GLRB: variants seen among roughly 807,000 people sequenced by gnomAD.
GLRB encodes the protein glycine receptor beta.
A neutral mutation model predicts 54.2 loss-of-function variants in GLRB; 33 were observed. That is an observed-to-expected ratio of 0.61 (90% CI 0.46 to 0.81). GLRB has a LOEUF of 0.81. GLRB is among the 40% of genes least tolerant of loss of function. GLRB has a pLI of 0.00. For synonymous variants in GLRB, 209 were observed against 208.2 expected (o/e 1.00, Z -0.03); for missense variants, 572 against 584.6 (o/e 0.98, Z 0.22).
chr4:157,150,622 C>A (rs1736986779), intron 8 of GLRB, among the ~76,000 whole-genome samples: 1 of 152,012 alleles, frequency 6.6e-6, no homozygotes, highest in African/African-American at 2.4e-5. Context: ...GTGCAATGTG[C>A]TGTGTCATGA....
intron 2 of GLRB, among the ~76,000 whole-genome samples, chr4:157,098,885 G>A (rs1734914177): frequency 6.6e-6 from 1 of 152,150 alleles, no homozygotes; most frequent in Non-Finnish European, 1.5e-5. Context: ...TGGGATTACA[G>A]GCATGAGCTA....
intron 8 of GLRB, among the ~76,000 whole-genome samples, chr4:157,146,085 T>C (rs1193460252): frequency 6.6e-6 from 1 of 151,862 alleles, no homozygotes; most frequent in Non-Finnish European, 1.5e-5. Context: ...GGCATGATCT[T>C]GGCTCACTGC....
At chr4:157,127,535 C>A (rs961115040) in intron 4 of GLRB, among the ~76,000 whole-genome samples, 3 of 151,754 alleles carry the variant, frequency 2.0e-5, no homozygotes, top group African/African-American at 7.3e-5. Flanking sequence ...TGTGGATATG[C>A]TGTTTTATAT....
At chr4:157,159,874 T>C (rs537311741) in intron 9 of GLRB, among the ~76,000 whole-genome samples, 54 of 152,278 alleles carry the variant, frequency 3.5e-4, no homozygotes, top group African/African-American at 1.3e-3. Context: ...GATTCCCTCT[T>C]TTTCTGTTGA....
At chr4:157,113,309 A>G (rs1735488327) in intron 2 of GLRB, among the ~76,000 whole-genome samples, 1 of 151,946 alleles carries the variant, frequency 6.6e-6, no homozygotes, top group African/African-American at 2.4e-5. Flanking sequence ...TCTATTCTGT[A>G]GAGTATGGAA....
intron 2 of GLRB, among the ~76,000 whole-genome samples, chr4:157,087,638 G>C (rs1025204536): frequency 3.9e-5 from 6 of 151,954 alleles, no homozygotes; most frequent in Non-Finnish European, 8.8e-5. Flanking sequence ...AACTCCAAAG[G>C]AAATCTAATT....
chr4:157,143,115 T>C (rs746832743), intron 7 of GLRB, among the ~76,000 whole-genome samples: 1 of 152,148 alleles, frequency 6.6e-6, no homozygotes, highest in Non-Finnish European at 1.5e-5. Context: ...TCTGCATTTG[T>C]CTTGGCATGT....
chr4:157,141,951 G>A (rs11933548), intron 7 of GLRB, among the ~76,000 whole-genome samples: 5,243 of 152,030 alleles, frequency 0.034, 153 homozygotes, highest in African/African-American at 0.082. Context: ...GTAGTAAATC[G>A]TTATAATATT....
At chr4:157,088,670 T>C (rs917073812) in intron 2 of GLRB, among the ~76,000 whole-genome samples, 3 of 152,162 alleles carry the variant, frequency 2.0e-5, no homozygotes, top group Non-Finnish European at 4.4e-5. Flanking sequence ...CATCCTTCCT[T>C]TTCTCCTTTT....
At chr4:157,145,305 G>C (rs535653018) in intron 8 of GLRB, among the ~76,000 whole-genome samples, 1 of 152,156 alleles carries the variant, frequency 6.6e-6, no homozygotes, top group Non-Finnish European at 1.5e-5. Flanking sequence ...GGGTTTGAAA[G>C]CCAGTTCTGG....
chr4:157,090,484 A>G (rs1158787894), intron 2 of GLRB, among the ~76,000 whole-genome samples: 3 of 152,210 alleles, frequency 2.0e-5, no homozygotes, highest in African/African-American at 7.2e-5. Flanking sequence ...TTATGACTTC[A>G]TGCAGACATA....
intron 2 of GLRB, among the ~76,000 whole-genome samples, chr4:157,080,364 A>G (rs1408475279): frequency 6.6e-6 from 1 of 152,208 alleles, no homozygotes; most frequent in Non-Finnish European, 1.5e-5. Flanking sequence ...GACTAGATCA[A>G]GCTTTATTAA....
chr4:157,150,542 C>T (rs1736983329), intron 8 of GLRB, among the ~76,000 whole-genome samples: 1 of 151,994 alleles, frequency 6.6e-6, no homozygotes, highest in African/African-American at 2.4e-5. Context: ...TCACAAAGTC[C>T]TCTCTCTTTT....
At chr4:157,154,423 CTTT>C (rs778002566) in intron 9 of GLRB, among the ~76,000 whole-genome samples, 1,096 of 103,298 alleles carry the variant, frequency 0.011, 3 homozygotes, top group Non-Finnish European at 0.016. Flanking sequence ...CTTCTTTTTC[CTTT>C]TTTTTTTTTT....
intron 4 of GLRB, among the ~76,000 whole-genome samples, chr4:157,135,245 T>C (rs1254222924): frequency 7.2e-5 from 11 of 152,124 alleles, no homozygotes; most frequent in Admixed American, 7.2e-4. Context: ...ATTAAGGACA[T>C]AATATTTTAT....
intron 8 of GLRB, among the ~76,000 whole-genome samples, chr4:157,145,787 TAG>T (rs1736784780): frequency 6.6e-6 from 1 of 151,856 alleles, no homozygotes; most frequent in Admixed American, 6.6e-5. Context: ...TAATACTGGA[TAG>T]AGACAAGAAG....
intron 2 of GLRB, among the ~76,000 whole-genome samples, chr4:157,118,514 C>A (rs116688937): frequency 4.8e-3 from 727 of 151,584 alleles, no homozygotes; most frequent in Non-Finnish European, 8.4e-3. Context: ...GATATTGGAG[C>A]CAATAAAGCC....
At chr4:157,159,792 C>T (rs1425302404) in intron 9 of GLRB, among the ~76,000 whole-genome samples, 2 of 152,060 alleles carry the variant, frequency 1.3e-5, no homozygotes, top group Admixed American at 1.3e-4. Context: ...ATCTAAAATT[C>T]TCTTTTTTTG....
chr4:157,128,597 G>A (rs1354720269), intron 4 of GLRB, among the ~76,000 whole-genome samples: 1 of 151,766 alleles, frequency 6.6e-6, no homozygotes, highest in Non-Finnish European at 1.5e-5. Context: ...TCTTTATGGG[G>A]TTTCCAGCCT....
Sources: allele counts gnomAD v4.1 joint callset (sites outside exome capture counted in the v4.1 genomes callset), GRCh38; gene constraint gnomAD v4.1.1; transcripts MANE v1.5; gene names NCBI Gene and HGNC (gene_info 2026-07-23, HGNC 2026-07-21).